ASCC3: variants seen among roughly 807,000 people sequenced by gnomAD.
ASCC3 encodes the protein ASC-1 complex subunit P200.
In ASCC3, 158 loss-of-function variants were observed where a neutral mutation model predicts 256.3. That is an observed-to-expected ratio of 0.62 (90% confidence interval 0.54 to 0.70). The LOEUF is 0.70. Ranked by LOEUF, ASCC3 falls within the 30% of genes least tolerant of loss-of-function variation. The pLI is 0.00. For missense variants in ASCC3, 2,259 were observed against 2,626.0 expected (o/e 0.86, Z 3.05); for synonymous variants, 948 against 883.4 (o/e 1.07, Z -1.30).
intron 10 of ASCC3, among the ~76,000 whole-genome samples, chr6:100,730,243 G>A (rs1004074191): frequency 1.3e-5 from 2 of 152,080 alleles, no homozygotes; most frequent in Non-Finnish European, 2.9e-5. Flanking sequence ...GCTGCGCTGA[G>A]CTGTGATCAT....
At chr6:100,688,629 T>C (rs1485817136) in intron 13 of ASCC3, among the ~76,000 whole-genome samples, 2 of 152,210 alleles carry the variant, frequency 1.3e-5, no homozygotes, top group East Asian at 3.9e-4. Context: ...CTCTCTTAAG[T>C]GTTTATCACT....
chr6:100,538,279 A>G (rs1339687059), intron 37 of ASCC3, among the ~76,000 whole-genome samples: 1 of 152,168 alleles, frequency 6.6e-6, no homozygotes, highest in African/African-American at 2.4e-5. Flanking sequence ...AACAGCTAAA[A>G]CTTTAGGACC....
chr6:100,744,910 C>T (rs934112943), intron 10 of ASCC3, among the ~76,000 whole-genome samples: 10 of 152,182 alleles, frequency 6.6e-5, no homozygotes, highest in African/African-American at 2.4e-4. Flanking sequence ...CGTTTGTAAA[C>T]ATTCCCTTAA....
At chr6:100,829,308 C>G (rs1193112839) in intron 4 of ASCC3, among the ~76,000 whole-genome samples, 1 of 152,106 alleles carries the variant, frequency 6.6e-6, no homozygotes. Context: ...AGGCTCCGGC[C>G]GCACAGGAAC....
In ASCC3 at chr6:100,679,637, T is replaced by C. The variant is rs1383355468; in HGVS notation, c.2267A>G (p.Tyr756Cys). Residue 756 changes from tyrosine (Y) to cysteine (C), a missense_variant, in exon 14 of 42, where the codon TAT (tyrosine) becomes TGT (cysteine). Tyr to Cys is a radical substitution (Grantham distance 194). Around this residue, in one of 2 missense-constraint regions of ASCC3, gnomAD observed 1,839 missense variants for 2,206.7 expected, o/e 0.83. Transcript: ENST00000369162. Reference protein sequence around the residue: ...PFFFPTQGHDYVLAEKQVQRS... With the variant: ...PFFFPTQGHDCVLAEKQVQRS... ...TCTTACCTGTTTTTCTGCAAGTACATAGTCATGTCCTTGGGTAGGAAAAAA... is the reference window on the plus strand; with the variant it reads ...TCTTACCTGTTTTTCTGCAAGTACACAGTCATGTCCTTGGGTAGGAAAAAA... The C allele has an allele frequency of 4.3e-6, 7 of 1,613,630 alleles. No homozygotes were observed. In the East Asian group the frequency reaches 8.9e-5, roughly 21 times the overall value.
At chr6:100,549,186 G>A (rs1769168788) in intron 36 of ASCC3, among the ~76,000 whole-genome samples, 1 of 151,862 alleles carries the variant, frequency 6.6e-6, no homozygotes. Context: ...CCACGAGACT[G>A]AAAAATGTTG....
intron 30 of ASCC3, among the ~76,000 whole-genome samples, chr6:100,620,644 G>A (rs979354238): frequency 6.6e-6 from 1 of 152,032 alleles, no homozygotes; most frequent in African/African-American, 2.4e-5. Context: ...GCTGTTCTAT[G>A]CCAGACACAC....
chr6:100,798,859 A>T (rs1352967511), intron 7 of ASCC3, 21 bp from the exon 8 acceptor site: 1 of 1,587,378 alleles, frequency 6.3e-7, no homozygotes, highest in Non-Finnish European at 8.6e-7. Context: ...CAACAATAAA[A>T]ATCCAATAAT....
intron 36 of ASCC3, among the ~76,000 whole-genome samples, chr6:100,568,033 C>T (rs1379247770): frequency 3.9e-5 from 6 of 152,108 alleles, no homozygotes; most frequent in Admixed American, 3.9e-4. Context: ...TCCCTTTTCC[C>T]CACATCCTTG....
rs1582597158 is a variant in ASCC3 at position 100,630,997 on chromosome 6, A to C, written c.4208+131T>G. The C allele has an allele frequency of 1.7e-5, 11 of 663,434 alleles. No homozygotes were observed. The East Asian group carries it at 3.0e-4, about 18-fold the overall frequency. 41.1% of individuals were successfully genotyped at this position (663,434 alleles called of 1,614,324 possible). A position where few individuals can be genotyped will look rare whatever the true frequency, so the allele number is the denominator to read the frequency against. ...ATAAATGACTATGAAAATCAATGTAAAACCATTCAGCAGTTAAATAAAAGA... is the reference window on the plus strand; with the variant it reads ...ATAAATGACTATGAAAATCAATGTACAACCATTCAGCAGTTAAATAAAAGA... On this transcript the variant is annotated intron_variant, in intron 26 of 41. Transcript: ENST00000369162.
At chr6:100,662,272 C>T in intron 15 of ASCC3, 73 bp downstream of exon 15, 2 of 1,449,338 alleles carry the variant, frequency 1.4e-6, no homozygotes, top group Non-Finnish European at 1.9e-6. Flanking sequence ...CAATATTTTT[C>T]TATGTAAGTC....
At chr6:100,519,874 T>C (rs1774215488) in intron 37 of ASCC3, among the ~76,000 whole-genome samples, 1 of 152,176 alleles carries the variant, frequency 6.6e-6, no homozygotes. Context: ...AAAAAAATCA[T>C]GCTCACTACT....
chr6:100,596,394 G>A (rs1772298552), intron 34 of ASCC3, among the ~76,000 whole-genome samples: 2 of 152,096 alleles, frequency 1.3e-5, no homozygotes, highest in Admixed American at 6.6e-5. Context: ...TCTTTTTGAT[G>A]TGTTAAAGTC....
chr6:100,518,955 G>T (rs1432319908), intron 37 of ASCC3, among the ~76,000 whole-genome samples: 1 of 152,042 alleles, frequency 6.6e-6, no homozygotes, highest in East Asian at 1.9e-4. Context: ...GAAGACAGGA[G>T]AAATTAGATA....
At chr6:100,521,283 G>T (rs1046584078) in intron 37 of ASCC3, among the ~76,000 whole-genome samples, 1 of 152,154 alleles carries the variant, frequency 6.6e-6, no homozygotes, top group Admixed American at 6.6e-5. Context: ...CCAAAGGGAA[G>T]CTGCAAAGTG....
At chr6:100,814,533 A>G (rs705585) in intron 4 of ASCC3, among the ~76,000 whole-genome samples, 80,756 of 151,872 alleles carry the variant, frequency 0.53, 21,631 homozygotes, top group East Asian at 0.72. Flanking sequence ...GCTCTTCTTC[A>G]TACCTCTGGT....
At chr6:100,748,453 G>A (rs80163483) in intron 10 of ASCC3, among the ~76,000 whole-genome samples, 1 of 152,076 alleles carries the variant, frequency 6.6e-6, no homozygotes, top group African/African-American at 2.4e-5. Context: ...TACTGTTTTT[G>A]AATATTTTAG....
intron 8 of ASCC3, among the ~76,000 whole-genome samples, chr6:100,786,783 TA>T (rs1769101501): frequency 6.6e-6 from 1 of 152,158 alleles, no homozygotes. Context: ...TAAATAATTT[TA>T]GGCTACAACA....
chr6:100,701,610 C>T (rs1778357212), intron 13 of ASCC3, among the ~76,000 whole-genome samples: 2 of 151,996 alleles, frequency 1.3e-5, no homozygotes, highest in African/African-American at 4.8e-5. Context: ...GTGAGCAAAA[C>T]CAGAGACAGC....
Sources: gnomAD v4.1 joint callset for allele counts (sites outside exome capture counted in the v4.1 genomes callset) on GRCh38, gnomAD v4.1.1 for gene constraint, gnomAD v4.1.1 regional missense constraint, MANE v1.5 for transcripts, NCBI Gene and HGNC (gene_info 2026-07-23, HGNC 2026-07-21) for gene names.